The following HECTD4 variants were observed in gnomAD, a reference collection of about 807,000 sequenced individuals.
The protein encoded by HECTD4 is HECT domain E3 ubiquitin protein ligase 4.
HECTD4 carries 114 observed loss-of-function variants against 471.5 expected under a neutral mutation model. That is an observed-to-expected ratio of 0.24 (90% CI 0.21 to 0.28). The LOEUF (loss-of-function observed/expected upper bound fraction) is 0.28. HECTD4 is among the 10% of genes least tolerant of loss of function. The pLI, the probability that HECTD4 is intolerant of heterozygous loss-of-function variation, is 1.00. For synonymous variants in HECTD4, 2,012 were observed against 2,256.0 expected (o/e 0.89, Z 3.07); for missense variants, 3,866 against 5,651.5 (o/e 0.68, Z 10.13).
In HECTD4 at chr12:112,163,495, C is replaced by A; in HGVS notation, c.12897+47G>T. On this transcript the variant is annotated intron_variant, in intron 74 of 75. Coordinates refer to ENST00000682272, the MANE Select transcript of HECTD4 (RefSeq NM_001388303.1). This position sits in a 1 kb window ranked among gnomAD's most constrained non-coding sequence, Gnocchi z 8.2. ...GAGTTGAGGGTGACAGGGAGGCACG[C>A]CTGGGGCTCACCACCTCCCCGCCCA... 7.0e-7 allele frequency: 1 copy of A among 1,424,264 alleles called. No individual in the cohort carries two copies. The highest frequency in any genetic ancestry group is 9.3e-7 in the Non-Finnish European group (1 of 1,075,650). 88.2% of individuals were successfully genotyped at this position (1,424,264 alleles called of 1,614,324 possible).
At chr12:112,263,339 T>C (rs575510907) in intron 17 of HECTD4, among the ~76,000 whole-genome samples, 3 of 152,204 alleles carry the variant, frequency 2.0e-5, no homozygotes, top group Non-Finnish European at 4.4e-5. Flanking sequence ...GCTTCCTTGG[T>C]TGATTTTTCA....
chr12:112,370,844 C>T (rs1174153231), intron 1 of HECTD4, among the ~76,000 whole-genome samples: 1 of 151,976 alleles, frequency 6.6e-6, no homozygotes, highest in Non-Finnish European at 1.5e-5. Flanking sequence ...ATAAAAGTTA[C>T]ACAATTTCTG....
At chr12:112,254,204 C>G (rs1282349279) in intron 21 of HECTD4, 42 bp from the exon 22 acceptor site, 2 of 1,596,170 alleles carry the variant, frequency 1.3e-6, no homozygotes, top group Non-Finnish European at 1.7e-6. Context: ...AAAAGAAAAA[C>G]AAAAACAACA....
chr12:112,240,035 A>T lies in HECTD4; in HGVS notation c.4959-8T>A, dbSNP rs2033602003. On this transcript the variant is annotated splice_region_variant and splice_polypyrimidine_tract_variant and intron_variant, in intron 32 of 75. Coordinates refer to ENST00000682272, the MANE Select transcript of HECTD4 (RefSeq NM_001388303.1). Reference sequence around the variant, plus strand: ...CATGTGAGTTCTTCAATTCTGTGAAAGAGAAACCAAAGCTCAGGCTTCCTG... The same window carrying T: ...CATGTGAGTTCTTCAATTCTGTGAATGAGAAACCAAAGCTCAGGCTTCCTG... 6.2e-7 allele frequency: 1 copy of T among 1,613,420 alleles called. No homozygotes were observed. Among genetic ancestry groups the T allele is most frequent in the Non-Finnish European group, 8.5e-7 (1 of 1,179,524 alleles).
chr12:112,171,416 A>G, intron 67 of HECTD4, 153 bp from the exon 68 acceptor site: 1 of 1,247,926 alleles, frequency 8.0e-7, no homozygotes, highest in East Asian at 2.6e-5. Context: ...AGCGGCCCCC[A>G]ATGTGCCTGT....
intron 34 of HECTD4, among the ~76,000 whole-genome samples, chr12:112,238,186 C>G (rs1204729758): frequency 2.0e-5 from 3 of 152,074 alleles, no homozygotes; most frequent in Non-Finnish European, 4.4e-5. Flanking sequence ...TACACACAGG[C>G]CTGGAATCTT....
At position 112,207,931 on chromosome 12, in the gene HECTD4, G is replaced by A; in HGVS notation, c.8074C>T (p.Arg2692Cys). 1.9e-6 allele frequency: 3 copies of A among 1,613,852 alleles called. No homozygotes were observed. Among genetic ancestry groups the A allele is most frequent in the Non-Finnish European group, 2.5e-6 (3 of 1,179,842 alleles). The change falls in exon 52 of 76, where the codon CGC becomes TGC. Residue 2692 changes from arginine (R) to cysteine (C), a missense_variant. This residue lies in a region of HECTD4 where 266 missense variants were observed against 441.6 expected (regional missense o/e 0.60). Transcript: ENST00000682272. ...KVFPTIRRRF[R>C]NEAERKSGLD... ...CCCGATTTCCGCTCTGCTTCATTGCGGAAGCGTCTTCGGATGGTAGGAAAA... is the reference window on the plus strand; with the variant it reads ...CCCGATTTCCGCTCTGCTTCATTGCAGAAGCGTCTTCGGATGGTAGGAAAA...
At chr12:112,230,892 G>A in intron 39 of HECTD4, 70 bp from the exon 40 acceptor site, 1 of 1,446,268 alleles carries the variant, frequency 6.9e-7, no homozygotes, top group Non-Finnish European at 9.4e-7. Flanking sequence ...TGGCTTTCAG[G>A]GTTAGCATCA....
rs2032946798 is a variant in HECTD4 at position 112,217,308 on chromosome 12, C to T, written c.7075-113G>A. 10 of 610,654 alleles carry T rather than the reference C, an allele frequency of 1.6e-5. No homozygotes were observed. The South Asian group carries it at 2.7e-4, about 17-fold the overall frequency. The allele number at this position is 610,654 out of a possible 1,614,324, so 37.8% of individuals were successfully genotyped here. On this transcript the variant is annotated intron_variant, in intron 45 of 75. Transcript: ENST00000682272. ...GTATTAAAATATAGGCATACACACA[C>T]ACACACACATACACACACACACACA...
At chr12:112,170,625 T>C (rs2031178301) in intron 68 of HECTD4, 173 bp from the exon 69 acceptor site, 1 of 705,228 alleles carries the variant, frequency 1.4e-6, no homozygotes, top group Non-Finnish European at 2.3e-6. Flanking sequence ...CATATACCCT[T>C]TGTCATTCCC....
intron 32 of HECTD4, among the ~76,000 whole-genome samples, chr12:112,242,615 A>G (rs1345301981): frequency 6.6e-6 from 1 of 150,868 alleles, no homozygotes; most frequent in African/African-American, 2.4e-5. Flanking sequence ...ATCTGCTTAA[A>G]AAAAAAAAAA....
intron 7 of HECTD4, among the ~76,000 whole-genome samples, chr12:112,298,535 A>T (rs1594022930): frequency 7.2e-6 from 1 of 138,858 alleles, no homozygotes; most frequent in Admixed American, 7.6e-5. Context: ...CATGTTGCCC[A>T]GGCTGGTCTG....
chr12:112,366,885 AAAAAAAAAAAAGAAAG>A (rs1464362947), intron 1 of HECTD4, among the ~76,000 whole-genome samples: 1 of 150,958 alleles, frequency 6.6e-6, no homozygotes. Context: ...TGTCTCAAAA[AAAAAAAAAAAAGAAAG>A]AAAAAGAAAA....
intron 52 of HECTD4, among the ~76,000 whole-genome samples, chr12:112,206,006 G>T (rs1034570668): frequency 3.3e-5 from 5 of 152,180 alleles, no homozygotes; most frequent in African/African-American, 1.2e-4. Context: ...CACTTATTGA[G>T]ATTGCTCTTT....
intron 60 of HECTD4, among the ~76,000 whole-genome samples, chr12:112,187,092 G>A (rs1476357483): frequency 6.6e-6 from 1 of 152,166 alleles, no homozygotes; most frequent in Admixed American, 6.5e-5. Context: ...CAATTCTCCT[G>A]CCTCAGCCTC....
chr12:112,200,297 G>A (rs1023639418), intron 55 of HECTD4, among the ~76,000 whole-genome samples: 11 of 152,034 alleles, frequency 7.2e-5, no homozygotes, highest in African/African-American at 2.4e-4. Context: ...GGTATTACAG[G>A]TGCCCATCAC....
chr12:112,203,508 T>C (rs2032489684), intron 54 of HECTD4, 128 bp downstream of exon 54: 2 of 759,618 alleles, frequency 2.6e-6, no homozygotes, highest in Non-Finnish European at 4.0e-6. Context: ...ATTTTTGCTT[T>C]GTGTCTTCGT....
intron 1 of HECTD4, among the ~76,000 whole-genome samples, chr12:112,330,048 G>A (rs1305399847): frequency 6.6e-6 from 1 of 152,000 alleles, no homozygotes; most frequent in Non-Finnish European, 1.5e-5. Context: ...AGGCCAAGGT[G>A]GGCAGATCAC....
In HECTD4 at chr12:112,213,477, G is replaced by C. The variant is rs1350520657; in HGVS notation, c.7466-827C>G. On this transcript the variant is annotated intron_variant, in intron 48 of 75. Coordinates refer to ENST00000682272, the MANE Select transcript of HECTD4 (RefSeq NM_001388303.1). This position sits in a 1 kb window ranked among gnomAD's most constrained non-coding sequence, Gnocchi z 4.0. ...CGAGGTGGGTGGATCACAAGGTCAG[G>C]AGATCGAGTCCATCCTGGCTAACAC... Among the ~76,000 whole-genome samples the C allele has an allele frequency of 1.3e-5, 2 of 148,528 alleles. No individual in the cohort carries two copies. The highest frequency in any genetic ancestry group is 5.0e-5 in the African/African-American group (2 of 40,186).
Sources: allele counts gnomAD v4.1 joint callset (sites outside exome capture counted in the v4.1 genomes callset), GRCh38; gene constraint gnomAD v4.1.1; regional missense constraint gnomAD v4.1.1; non-coding constraint Gnocchi (gnomAD v3.1); transcripts MANE v1.5; gene names NCBI Gene and HGNC (gene_info 2026-07-23, HGNC 2026-07-21).